The following GALNT2 variants were observed in gnomAD, a reference collection of about 807,000 sequenced individuals.
GALNT2 encodes UDP-GalNAc:polypeptide N-acetylgalactosaminyltransferase 2.
GALNT2 carries 31 observed loss-of-function variants against 81.4 expected under a neutral mutation model. That is an observed-to-expected ratio of 0.38 (90% CI 0.29 to 0.51). The LOEUF is 0.51. GALNT2 is among the 20% of genes least tolerant of loss of function. The probability of loss-of-function intolerance (pLI) is 0.87; values close to 1 mark genes in which losing one functional copy is unlikely to be tolerated. For missense variants in GALNT2, 629 were observed against 765.7 expected (o/e 0.82, Z 2.11); for synonymous variants, 303 against 287.4 (o/e 1.05, Z -0.55).
At chr1:230,265,539 G>A (rs908936834) in intron 14 of GALNT2, among the ~76,000 whole-genome samples, 172 bp downstream of exon 14, 2 of 152,196 alleles carry the variant, frequency 1.3e-5, no homozygotes, top group Non-Finnish European at 2.9e-5. Flanking sequence ...ACCAGGGCCA[G>A]ATAGAATGTC....
intron 15 of GALNT2, among the ~76,000 whole-genome samples, chr1:230,277,998 A>G (rs1666343086): frequency 6.7e-6 from 1 of 148,702 alleles, no homozygotes; most frequent in African/African-American, 2.5e-5. Flanking sequence ...AAAATTAATT[A>G]GAACCACAGA....
At chr1:230,227,986 C>G (rs1442263930) in intron 3 of GALNT2, among the ~76,000 whole-genome samples, 1 of 152,124 alleles carries the variant, frequency 6.6e-6, no homozygotes, top group Non-Finnish European at 1.5e-5. Context: ...AACTGACTAT[C>G]AGAACAAATA....
At chr1:230,274,639 C>G (rs1666238139) in intron 15 of GALNT2, 75 bp downstream of exon 15, 1 of 1,550,130 alleles carries the variant, frequency 6.5e-7, no homozygotes, top group African/African-American at 1.4e-5. Context: ...CCCTCTTGCT[C>G]TGTGCTGCCT....
At position 230,182,592 on chromosome 1, in the gene GALNT2, A is replaced by G. The variant is rs561806092; in HGVS notation, c.220+4281A>G. On this transcript the variant is annotated intron_variant, in intron 2 of 15. Coordinates refer to ENST00000366672, the MANE Select transcript of GALNT2 (RefSeq NM_004481.5). ...TAGTTTAATTGTATTGTGTTCTGAG[A>G]GCACACAGTCTGATTTCTGTTCTTT... Among the ~76,000 whole-genome samples the G allele has an allele frequency of 4.6e-5, 7 of 152,300 alleles. No homozygotes were observed. The East Asian group carries it at 1.2e-3, about 25-fold the overall frequency.
intron 2 of GALNT2, among the ~76,000 whole-genome samples, chr1:230,196,275 CA>C (rs1449884964): frequency 6.6e-6 from 1 of 152,210 alleles, no homozygotes; most frequent in Admixed American, 6.5e-5. Flanking sequence ...CTTCAAGACC[CA>C]GCCCAAGTGC....
chr1:230,134,219 C>T (rs928943221), intron 1 of GALNT2, among the ~76,000 whole-genome samples: 1 of 151,924 alleles, frequency 6.6e-6, no homozygotes, highest in African/African-American at 2.4e-5. Context: ...CGCCATTCTC[C>T]TGCCTCAGCC....
At chr1:230,184,108 T>C (rs1663243778) in intron 2 of GALNT2, among the ~76,000 whole-genome samples, 1 of 151,920 alleles carries the variant, frequency 6.6e-6, no homozygotes, top group African/African-American at 2.4e-5. Flanking sequence ...TAACATTTTT[T>C]GCAAGGCAGG....
At chr1:230,199,008 C>A (rs1452282470) in intron 2 of GALNT2, among the ~76,000 whole-genome samples, 4 of 152,110 alleles carry the variant, frequency 2.6e-5, no homozygotes, top group African/African-American at 9.7e-5. Context: ...AATGTTATAT[C>A]TTTGAAGTAT....
In GALNT2 at chr1:230,079,241, C is replaced by T. The variant is rs115646205; in HGVS notation, c.126+11835C>T. Among the ~76,000 whole-genome samples, 527 of 152,332 alleles carry T rather than the reference C, an allele frequency of 3.5e-3. 4 individuals are homozygous for T. The highest frequency in any genetic ancestry group is 0.011 in the African/African-American group (471 of 41,558). The stretch of plus-strand genomic sequence containing the variant: ...GAGATTTTGGCAAATTATGATACTG[C>T]GTATCTTCTGTAAGGTATAATTCCT... On this transcript the variant is annotated intron_variant, in intron 1 of 15. Coordinates refer to ENST00000366672, the MANE Select transcript of GALNT2 (RefSeq NM_004481.5).
chr1:230,168,545 G>A lies in GALNT2; in HGVS notation c.127-9673G>A, dbSNP rs72651065. Among the ~76,000 whole-genome samples the A allele has an allele frequency of 1.2e-3, 186 of 152,298 alleles. 1 individual carries two copies. The highest frequency in any genetic ancestry group is 9.0e-4 in the Non-Finnish European group (61 of 68,028). On this transcript the variant is annotated intron_variant, in intron 1 of 15. Coordinates refer to ENST00000366672, the MANE Select transcript of GALNT2 (RefSeq NM_004481.5). ...CTGAGTTTTCTTGAACGAAGAGGGA[G>A]GCAAGAGGGCTTAAAATTTCCATTA...
intron 1 of GALNT2, among the ~76,000 whole-genome samples, chr1:230,105,592 CT>C (rs1212332194): frequency 6.6e-6 from 1 of 152,172 alleles, no homozygotes; most frequent in Non-Finnish European, 1.5e-5. Flanking sequence ...AACATAGAGT[CT>C]CTGTGTCCCA....
At chr1:230,139,196 TG>T (rs1197115693) in intron 1 of GALNT2, among the ~76,000 whole-genome samples, 1 of 152,222 alleles carries the variant, frequency 6.6e-6, no homozygotes, top group African/African-American at 2.4e-5. Context: ...CCTTACTGTT[TG>T]AAAGGTATCT....
Position 230,279,639 on chromosome 1 carries a change from A to C in GALNT2, c.*181A>C. 1 of 745,320 alleles carries C rather than the reference A, an allele frequency of 1.3e-6. No homozygotes were observed. 46.2% of individuals were successfully genotyped at this position (745,320 alleles called of 1,614,324 possible). On this transcript the variant is annotated 3_prime_UTR_variant, in exon 16 of 16. Transcript: ENST00000366672. The surrounding 1 kb of genome is among the most constrained non-coding windows in gnomAD (Gnocchi z 4.6). Reference sequence around the variant, plus strand: ...CTGTGCAGACACAGCAGCGGCAAGAAGCGAGAACTGCCCTCCCCCTCCTCT... The same window carrying C: ...CTGTGCAGACACAGCAGCGGCAAGACGCGAGAACTGCCCTCCCCCTCCTCT...
chr1:230,247,405 G>C (rs935880634), intron 8 of GALNT2, among the ~76,000 whole-genome samples: 1 of 152,188 alleles, frequency 6.6e-6, no homozygotes, highest in Non-Finnish European at 1.5e-5. Flanking sequence ...CTGGGAAATG[G>C]GATGATAATT....
chr1:230,098,665 T>C (rs1163767111), intron 1 of GALNT2, among the ~76,000 whole-genome samples: 1 of 151,968 alleles, frequency 6.6e-6, no homozygotes, highest in Admixed American at 6.6e-5. Context: ...CGTAGGACAA[T>C]TGAAGTAAGA....
chr1:230,235,902 A>T, intron 3 of GALNT2, 112 bp from the exon 4 acceptor site: 1 of 853,142 alleles, frequency 1.2e-6, no homozygotes, highest in Non-Finnish European at 1.9e-6. Flanking sequence ...ATAACAAGTT[A>T]ATCATAGCAT....
At chr1:230,147,427 C>T (rs1429352100) in intron 1 of GALNT2, among the ~76,000 whole-genome samples, 1 of 152,236 alleles carries the variant, frequency 6.6e-6, no homozygotes, top group African/African-American at 2.4e-5. Flanking sequence ...GTCCTTGACT[C>T]TTGGCCAACA....
chr1:230,110,714 G>GTTTTTTTTTTTTTTT (rs113630188), intron 1 of GALNT2, among the ~76,000 whole-genome samples: 8 of 137,652 alleles, frequency 5.8e-5, no homozygotes, highest in South Asian at 2.3e-4. Flanking sequence ...GTGCTTTTCT[G>GTTTTTTTTTTTTTTT]TTTTTTTTTT....
At chr1:230,149,655 A>G (rs1662033287) in intron 1 of GALNT2, among the ~76,000 whole-genome samples, 6 of 152,136 alleles carry the variant, frequency 3.9e-5, no homozygotes. Context: ...AGGTGGGCTT[A>G]ATGAGGTGGG....
Sources: gnomAD v4.1 joint callset for allele counts (sites outside exome capture counted in the v4.1 genomes callset) on GRCh38, gnomAD v4.1.1 for gene constraint, Gnocchi (gnomAD v3.1) non-coding constraint, MANE v1.5 for transcripts, NCBI Gene and HGNC (gene_info 2026-07-23, HGNC 2026-07-21) for gene names.